The following ROBO2 variants were observed in gnomAD, a reference collection of about 807,000 sequenced individuals.
ROBO2 encodes roundabout homolog 2.
ROBO2 carries 53 observed loss-of-function variants against 160.8 expected under a neutral mutation model. The ratio of observed to expected loss-of-function variants is 0.33; its 90% CI spans 0.26 to 0.41. The LOEUF (loss-of-function observed/expected upper bound fraction) is 0.41, where lower values mean the gene tolerates loss of function less well. ROBO2 is among the 10% of genes least tolerant of loss of function. ROBO2 has a pLI of 1.00. For missense variants in ROBO2, 1,577 were observed against 1,722.4 expected (o/e 0.92, Z 1.49); for synonymous variants, 664 against 611.7 (o/e 1.09, Z -1.26).
intron 2 of ROBO2, among the ~76,000 whole-genome samples, chr3:76,818,301 T>C (rs568495640): frequency 7.9e-5 from 12 of 152,108 alleles, no homozygotes; most frequent in African/African-American, 2.6e-4. Flanking sequence ...GTTTTGAGAA[T>C]TGTCTATTCC....
intron 23 of ROBO2, chr3:77,634,656 G>GT: frequency 1.8e-6 from 1 of 558,422 alleles, no homozygotes; most frequent in Non-Finnish European, 3.2e-6. Flanking sequence ...GAGGGGGCCA[G>GT]TGGGGGTGTT....
chr3:76,543,062 T>G (rs2082902878), intron 2 of ROBO2, among the ~76,000 whole-genome samples: 1 of 152,192 alleles, frequency 6.6e-6, no homozygotes, highest in Non-Finnish European at 1.5e-5. Flanking sequence ...CTGATTAACT[T>G]CTTACTTCAT....
chr3:77,309,520 G>A (rs918195872), intron 2 of ROBO2, among the ~76,000 whole-genome samples: 10 of 152,222 alleles, frequency 6.6e-5, no homozygotes, highest in African/African-American at 2.4e-4. Flanking sequence ...AGAAGCCACT[G>A]TGTGATAATG....
intron 2 of ROBO2, among the ~76,000 whole-genome samples, chr3:77,171,308 G>C (rs573089466): frequency 6.6e-6 from 1 of 152,148 alleles, no homozygotes; most frequent in South Asian, 2.1e-4. Flanking sequence ...CTGCATAACA[G>C]GGCCAAGGCA....
At chr3:76,560,609 G>T (rs1196986380) in intron 2 of ROBO2, among the ~76,000 whole-genome samples, 1 of 141,570 alleles carries the variant, frequency 7.1e-6, no homozygotes, top group African/African-American at 2.6e-5. Flanking sequence ...GATTACATCT[G>T]ATTTCACAAA....
intron 2 of ROBO2, among the ~76,000 whole-genome samples, chr3:76,013,600 C>T (rs1052390799): frequency 2.7e-5 from 4 of 150,572 alleles, no homozygotes; most frequent in African/African-American, 9.8e-5. Flanking sequence ...TGCGTGTAAT[C>T]CCAGAAGTAA....
intron 2 of ROBO2, among the ~76,000 whole-genome samples, chr3:77,175,098 A>G (rs1164404114): frequency 6.6e-6 from 1 of 152,046 alleles, no homozygotes. Flanking sequence ...GGTAAGTTGT[A>G]TTACTATTCT....
In ROBO2 at chr3:76,436,159, A is replaced by AAC. The variant is rs3065704; in HGVS notation, c.109+498578_109+498579dup. Reference sequence around the variant, plus strand: ...CCTACAGAGATGACTTTAAAAGGAAAACACACACACACACACACACACCAT... The same window carrying AAC: ...CCTACAGAGATGACTTTAAAAGGAAAACACACACACACACACACACACACCAT... On this transcript the variant is annotated intron_variant, in intron 2 of 26. Coordinates refer to the ROBO2 transcript ENST00000487694. Among the ~76,000 whole-genome samples, 541 of 140,598 alleles carry AAC rather than the reference A, an allele frequency of 3.8e-3. 1 individual carries two copies. Among genetic ancestry groups the AAC allele is most frequent in the Admixed American group, 5.7e-3 (79 of 13,936 alleles). 92.2% of individuals were successfully genotyped at this position (140,598 alleles called of 152,430 possible).
chr3:76,323,175 AC>A (rs200663135), intron 2 of ROBO2, among the ~76,000 whole-genome samples: 1 of 145,604 alleles, frequency 6.9e-6, no homozygotes, highest in African/African-American at 2.5e-5. Flanking sequence ...ACACACACAC[AC>A]CCCTAAAGGC....
intron 2 of ROBO2, among the ~76,000 whole-genome samples, chr3:76,962,756 T>A (rs958665009): frequency 4.6e-5 from 7 of 151,990 alleles, no homozygotes; most frequent in Non-Finnish European, 8.8e-5. Context: ...GCAGTGACTA[T>A]GATCGTGCCA....
At chr3:77,514,241 C>T (rs1236955287) in intron 5 of ROBO2, among the ~76,000 whole-genome samples, 1 of 151,430 alleles carries the variant, frequency 6.6e-6, no homozygotes, top group Non-Finnish European at 1.5e-5. Context: ...ATGCTAAATG[C>T]AATTAAAAGC....
chr3:76,105,847 A>AT (rs1437138972), intron 2 of ROBO2, among the ~76,000 whole-genome samples: 3 of 152,150 alleles, frequency 2.0e-5, no homozygotes, highest in Non-Finnish European at 4.4e-5. Context: ...CCAAAAAAAA[A>AT]GACACAGGTA....
intron 2 of ROBO2, among the ~76,000 whole-genome samples, chr3:76,135,322 A>T (rs2071389860): frequency 3.3e-5 from 5 of 152,112 alleles, no homozygotes; most frequent in Admixed American, 3.3e-4. Flanking sequence ...CCCCCTTGAC[A>T]TATGAGGAAA....
At chr3:76,082,725 A>C (rs1489146294) in intron 2 of ROBO2, among the ~76,000 whole-genome samples, 1 of 152,086 alleles carries the variant, frequency 6.6e-6, no homozygotes, top group Middle Eastern at 3.2e-3. Flanking sequence ...TTTTTCTTTA[A>C]AAAAATCATT....
chr3:77,187,552 TATAAA>T (rs2081391116), intron 2 of ROBO2, among the ~76,000 whole-genome samples: 1 of 151,960 alleles, frequency 6.6e-6, no homozygotes, highest in African/African-American at 2.4e-5. Flanking sequence ...TTGTTGCACT[TATAAA>T]ATACTTCAGT....
intron 2 of ROBO2, among the ~76,000 whole-genome samples, chr3:76,743,834 GA>G (rs1330937100): frequency 1.3e-5 from 2 of 151,920 alleles, no homozygotes; most frequent in African/African-American, 2.4e-5. Context: ...GGAAAACCAG[GA>G]GGCAAACCTG....
chr3:76,607,049 A>T (rs62261601), intron 2 of ROBO2, among the ~76,000 whole-genome samples: 55,794 of 152,028 alleles, frequency 0.37, 10,756 homozygotes, highest in East Asian at 0.57. Flanking sequence ...TTTTATTTTT[A>T]AAAATATTTT....
At chr3:77,097,784 A>G (rs1413023972) in intron 1 of ROBO2, among the ~76,000 whole-genome samples, 3 of 152,086 alleles carry the variant, frequency 2.0e-5, no homozygotes, top group Admixed American at 6.5e-5. Flanking sequence ...GTCATGATTC[A>G]TGGAACACAT....
chr3:76,241,791 G>A (rs1230366304), intron 2 of ROBO2, among the ~76,000 whole-genome samples: 1 of 152,048 alleles, frequency 6.6e-6, no homozygotes, highest in East Asian at 1.9e-4. Flanking sequence ...ATTTCCAGGA[G>A]GAAAAAATGT....
Sources: allele counts gnomAD v4.1 joint callset (sites outside exome capture counted in the v4.1 genomes callset), GRCh38; gene constraint gnomAD v4.1.1; transcripts MANE v1.5; gene names NCBI Gene and HGNC (gene_info 2026-07-23, HGNC 2026-07-21).